The following ARL2BP variants were observed in gnomAD, a reference collection of about 807,000 sequenced individuals.
ARL2BP encodes ARF like GTPase 2 binding protein.
A neutral mutation model predicts 24.2 loss-of-function variants in ARL2BP; 19 were observed. The observed-to-expected ratio is 0.79, with a 90% CI of 0.55 to 1.15. The LOEUF is 1.15. Ranked by LOEUF, ARL2BP falls within the 50% of genes most tolerant of loss-of-function variation. The pLI is 0.00. For synonymous variants in ARL2BP, 56 were observed against 70.5 expected (o/e 0.79, Z 1.03); for missense variants, 160 against 190.4 (o/e 0.84, Z 0.94).
intron 3 of ARL2BP, 137 bp from the exon 4 acceptor site, chr16:57,249,628 CTT>C (rs757400292): frequency 1.3e-5 from 9 of 678,202 alleles, no homozygotes; most frequent in Non-Finnish European, 2.1e-5. Context: ...TTTTGGTCCT[CTT>C]TGGTATCCTT....
Position 57,248,744 on chromosome 16 carries a change from A to G in ARL2BP, c.207+101A>G, listed in dbSNP as rs2075398542. On this transcript the variant is annotated intron_variant, in intron 3 of 5. Coordinates refer to ENST00000219204, the MANE Select transcript of ARL2BP (RefSeq NM_012106.4). ...AATTTGCTGCCTTTTAAAATATGCC[A>G]CCAGTACACTTCCAGGAATCCTCAT... 5.1e-6 allele frequency: 3 copies of G among 583,986 alleles called. No homozygotes were observed. In the East Asian group the frequency reaches 9.5e-5, roughly 19 times the overall value. The allele number at this position is 583,986 out of a possible 1,614,324, so 36.2% of individuals were successfully genotyped here.
intron 2 of ARL2BP, among the ~76,000 whole-genome samples, chr16:57,246,937 G>T (rs2146426650): frequency 6.6e-6 from 1 of 152,324 alleles, no homozygotes; most frequent in Admixed American, 6.5e-5. Flanking sequence ...GGATGTATTT[G>T]GGCATCCATG....
intron 1 of ARL2BP, 72 bp downstream of exon 1, chr16:57,245,477 T>C: frequency 6.4e-7 from 1 of 1,564,380 alleles, no homozygotes; most frequent in Non-Finnish European, 8.7e-7. Context: ...GGCCTGACCC[T>C]ATAAAACAGG....
At chr16:57,248,311 CAAAAAA>C (rs1161528446) in intron 2 of ARL2BP, 19 of 49,250 alleles carry the variant, frequency 3.9e-4, no homozygotes, top group South Asian at 1.6e-3. Flanking sequence ...AACTCCAGCT[CAAAAAA>C]AAAAAAAAAA....
chr16:57,246,060 A>C lies in ARL2BP; in HGVS notation c.39-20A>C. 1 of 1,613,160 alleles carries C rather than the reference A, an allele frequency of 6.2e-7. No homozygotes were observed. Among genetic ancestry groups the C allele is most frequent in the Middle Eastern group, 1.7e-4 (1 of 6,060 alleles). The stretch of plus-strand genomic sequence containing the variant: ...TAATGCATTATTTGAAATAGCACCT[A>C]ATCCAGGCATGTTTTTCAGCTCCTC... On this transcript the variant is annotated intron_variant, in intron 1 of 5. Transcript: ENST00000219204.
At chr16:57,249,564 G>A (rs2075400973) in intron 3 of ARL2BP, 2 of 578,258 alleles carry the variant, frequency 3.5e-6, no homozygotes, top group Non-Finnish European at 6.2e-6. Context: ...ACCATTATCA[G>A]CTAAGGCTTC....
Position 57,252,360 on chromosome 16 carries a change from ACT to A in ARL2BP, c.*96_*97del. ...GACAGAACACATCTTGGAAAGACTG[ACT>A]CTGTTATGTAACTCTTCATTTATGT... On this transcript the variant is annotated 3_prime_UTR_variant, in exon 6 of 6. Coordinates refer to ENST00000219204, the MANE Select transcript of ARL2BP (RefSeq NM_012106.4). The A allele has an allele frequency of 2.5e-6, 4 of 1,603,852 alleles. No individual in the cohort carries two copies. Among genetic ancestry groups the A allele is most frequent in the Non-Finnish European group, 3.4e-6 (4 of 1,175,934 alleles).
chr16:57,250,044 A>T, intron 4 of ARL2BP, 192 bp downstream of exon 4: 1 of 619,670 alleles, frequency 1.6e-6, no homozygotes, highest in Non-Finnish European at 2.8e-6. Flanking sequence ...TTGTGTTCTC[A>T]GTGCTTTGGG....
At chr16:57,248,329 A>G (rs1267268414) in intron 2 of ARL2BP, 5 of 225,976 alleles carry the variant, frequency 2.2e-5, no homozygotes, top group Middle Eastern at 1.5e-3. Flanking sequence ...AAAAAAAAAA[A>G]AAAAAAAGAA....
chr16:57,250,146 C>T, intron 4 of ARL2BP: 1 of 593,394 alleles, frequency 1.7e-6, no homozygotes, highest in Non-Finnish European at 3.0e-6. Context: ...ATAAATTAGT[C>T]AGGTGTGGTG....
chr16:57,249,550 C>T (rs2075400945), intron 3 of ARL2BP: 2 of 559,264 alleles, frequency 3.6e-6, no homozygotes, highest in Non-Finnish European at 6.4e-6. Flanking sequence ...CACCCTGTTA[C>T]AGCACCATTA....
At position 57,252,370 on chromosome 16, in the gene ARL2BP, G is replaced by GT; in HGVS notation, c.*104dup. ...ATCTTGGAAAGACTGACTCTGTTATGTAACTCTTCATTTATGTTAAGTATT... is the reference window on the plus strand; with the variant it reads ...ATCTTGGAAAGACTGACTCTGTTATGTTAACTCTTCATTTATGTTAAGTATT... On this transcript the variant is annotated 3_prime_UTR_variant, in exon 6 of 6. Transcript: ENST00000219204. The GT allele has an allele frequency of 2.5e-6, 4 of 1,593,376 alleles. No individual in the cohort carries two copies. Among genetic ancestry groups the GT allele is most frequent in the Non-Finnish European group, 3.4e-6 (4 of 1,171,144 alleles).
In ARL2BP at chr16:57,249,731, A is replaced by G. The variant is rs574895779; in HGVS notation, c.208-36A>G. ...CTGAAAAGAAGTCTTGTTTTCCCAA[A>G]GTATGGTCTCACCAAAATCCTTTCC... On this transcript the variant is annotated intron_variant, in intron 3 of 5. Coordinates refer to ENST00000219204, the MANE Select transcript of ARL2BP (RefSeq NM_012106.4). 2.9e-5 allele frequency: 46 copies of G among 1,560,556 alleles called. 1 individual carries two copies. In the South Asian group the frequency reaches 4.8e-4, roughly 16 times the overall value.
intron 4 of ARL2BP, 63 bp from the exon 5 acceptor site, chr16:57,250,347 CG>C: frequency 6.8e-7 from 1 of 1,473,910 alleles, no homozygotes; most frequent in Non-Finnish European, 9.5e-7. Flanking sequence ...GAAAGAAAAA[CG>C]AAAGCAATCT....
At chr16:57,251,855 C>A in intron 5 of ARL2BP, 1 of 302,592 alleles carries the variant, frequency 3.3e-6, no homozygotes, top group South Asian at 4.3e-5. Context: ...GTCCTAGCTA[C>A]TCAGGAGGCT....
At position 57,249,762 on chromosome 16, in the gene ARL2BP, T is replaced by C; in HGVS notation, c.208-5T>C. On this transcript the variant is annotated splice_polypyrimidine_tract_variant and splice_region_variant and intron_variant, in intron 3 of 5. Coordinates refer to ENST00000219204, the MANE Select transcript of ARL2BP (RefSeq NM_012106.4). ...GTCTCACCAAAATCCTTTCCACTGT[T>C]GCAGATTTCTTTGGTAGAAAAATAC... is the stretch of plus-strand genomic sequence containing the variant. 13 of 1,613,452 alleles carry C rather than the reference T, an allele frequency of 8.1e-6. No homozygotes were observed. The highest frequency in any genetic ancestry group is 1.1e-5 in the Non-Finnish European group (13 of 1,179,336).
At position 57,252,536 on chromosome 16, in the gene ARL2BP, C is replaced by T. The variant is rs1310600436; in HGVS notation, c.*269C>T. 8 of 502,278 alleles carry T rather than the reference C, an allele frequency of 1.6e-5. No individual in the cohort carries two copies. The highest frequency in any genetic ancestry group is 3.6e-5 in the Admixed American group (1 of 28,054). The allele number at this position is 502,278 out of a possible 1,614,324, so 31.1% of individuals were successfully genotyped here. A position where few individuals can be genotyped will look rare whatever the true frequency, so the allele number is the denominator to read the frequency against. Reference sequence around the variant, plus strand: ...GCTTCTGAGTCAGACGCCTCTGGAGCGAGCCCTATGTCAGGCACTCCACCT... The same window carrying T: ...GCTTCTGAGTCAGACGCCTCTGGAGTGAGCCCTATGTCAGGCACTCCACCT... On this transcript the variant is annotated 3_prime_UTR_variant, in exon 6 of 6. Transcript: ENST00000219204.
chr16:57,251,152 C>T (rs2075406429), intron 5 of ARL2BP: 1 of 151,238 alleles, frequency 6.6e-6, no homozygotes, highest in South Asian at 2.1e-4. Context: ...AATCCCAGCA[C>T]TTTGGGAGGC....
chr16:57,246,022 A>G, intron 1 of ARL2BP, 58 bp from the exon 2 acceptor site: 1 of 1,572,346 alleles, frequency 6.4e-7, no homozygotes, highest in South Asian at 1.1e-5. Flanking sequence ...CGTCCATACT[A>G]AAAACATTTT....
Sources: gnomAD v4.1 joint callset for allele counts (sites outside exome capture counted in the v4.1 genomes callset) on GRCh38, gnomAD v4.1.1 for gene constraint, MANE v1.5 for transcripts, NCBI Gene and HGNC (gene_info 2026-07-23, HGNC 2026-07-21) for gene names.